KIF14: variants seen among roughly 807,000 people sequenced by gnomAD.
KIF14 encodes the protein kinesin family member 14.
Under a neutral mutation model 176.2 loss-of-function variants are expected in KIF14, and 98 were observed. The observed-to-expected ratio is 0.56, with a 90% confidence interval of 0.47 to 0.66. KIF14 has a LOEUF of 0.66. Among genes scored for constraint, KIF14 ranks in the 30% least tolerant of loss-of-function variants. The probability of loss-of-function intolerance (pLI) is 0.00; values close to 1 mark genes in which losing one functional copy is unlikely to be tolerated. For missense variants in KIF14, 1,751 were observed against 1,920.4 expected (o/e 0.91, Z 1.65); for synonymous variants, 566 against 632.2 (o/e 0.90, Z 1.57).
intron 21 of KIF14, among the ~76,000 whole-genome samples, chr1:200,578,918 C>T (rs1019958578): frequency 2.6e-5 from 4 of 151,698 alleles, no homozygotes; most frequent in South Asian, 4.2e-4. Flanking sequence ...GGTGAAACCC[C>T]GTCTCTACTA....
At chr1:200,591,065 A>G (rs1431239961) in intron 16 of KIF14, among the ~76,000 whole-genome samples, 1 of 152,074 alleles carries the variant, frequency 6.6e-6, no homozygotes, top group Admixed American at 6.6e-5. Flanking sequence ...AAAACCACAA[A>G]ACAATGTGAA....
intron 6 of KIF14, among the ~76,000 whole-genome samples, chr1:200,606,162 C>T (rs1299180492): frequency 6.6e-6 from 1 of 152,086 alleles, no homozygotes; most frequent in East Asian, 1.9e-4. Context: ...GTCTAAGTCA[C>T]AATACCAAAA....
chr1:200,555,146 AATAAG>A (rs1656766559), intron 28 of KIF14, among the ~76,000 whole-genome samples: 1 of 152,154 alleles, frequency 6.6e-6, no homozygotes, highest in African/African-American at 2.4e-5. Context: ...AACCAGTAGC[AATAAG>A]AAACAGACAT....
chr1:200,597,080 A>G (rs1210703990), intron 14 of KIF14, among the ~76,000 whole-genome samples: 1 of 151,604 alleles, frequency 6.6e-6, no homozygotes, highest in Non-Finnish European at 1.5e-5. Flanking sequence ...TTGTATTTTT[A>G]GTAGAGACAG....
chr1:200,592,312 G>T (rs182861043), intron 15 of KIF14, 72 bp from the exon 16 acceptor site: 2 of 1,254,244 alleles, frequency 1.6e-6, no homozygotes, highest in Admixed American at 2.2e-5. Context: ...AATTTATTTT[G>T]CCCAACAATT....
rs1185925730 is a variant in KIF14, at chr1:200,603,874, A to C, written c.1828T>G (p.Cys610Gly). Residue 610 changes from cysteine to glycine, a missense_variant, in exon 9 of 30, where the codon TGC becomes GGC. Cys to Gly is a radical substitution (Grantham distance 159). Transcript: ENST00000367350. ...NLIDLAGSER[C>G]STAHTNGDRL... Reference sequence around the variant, plus strand: ...TCTCCATTAGTGTGAGCCGTAGAGCAGCGCTCACTGCCTGCCAGATCTATT... The same window carrying C: ...TCTCCATTAGTGTGAGCCGTAGAGCCGCGCTCACTGCCTGCCAGATCTATT... The C allele has an allele frequency of 1.9e-6, 3 of 1,612,328 alleles. No homozygotes were observed. The highest frequency in any genetic ancestry group is 2.5e-6 in the Non-Finnish European group (3 of 1,178,462).
chr1:200,594,725 A>T (rs527847023), intron 14 of KIF14, among the ~76,000 whole-genome samples: 22 of 152,362 alleles, frequency 1.4e-4, no homozygotes, highest in African/African-American at 5.0e-4. Context: ...AGAAAGAAAA[A>T]CTGCAACAAA....
At chr1:200,592,377 T>C (rs1218566798) in intron 15 of KIF14, 137 bp from the exon 16 acceptor site, 3 of 679,072 alleles carry the variant, frequency 4.4e-6, no homozygotes, top group East Asian at 6.0e-5. Flanking sequence ...TAACATTTAT[T>C]ACTTTTTTTT....
chr1:200,574,746 T>G (rs1657998974), intron 22 of KIF14, among the ~76,000 whole-genome samples: 1 of 152,214 alleles, frequency 6.6e-6, no homozygotes, highest in Non-Finnish European at 1.5e-5. Context: ...TAGGTTTCCC[T>G]TGAAAAGCAT....
intron 14 of KIF14, among the ~76,000 whole-genome samples, chr1:200,595,432 T>A (rs1659280614): frequency 6.6e-6 from 1 of 152,156 alleles, no homozygotes. Context: ...AAGTTCATGG[T>A]CTAGTGAACA....
chr1:200,575,191 C>T (rs1313606050), intron 22 of KIF14, among the ~76,000 whole-genome samples: 3 of 151,884 alleles, frequency 2.0e-5, no homozygotes, highest in Non-Finnish European at 4.4e-5. Flanking sequence ...CTCCTGACCT[C>T]GTGATCCACC....
intron 22 of KIF14, among the ~76,000 whole-genome samples, chr1:200,570,357 A>C (rs1553255114): frequency 6.6e-6 from 1 of 152,222 alleles, no homozygotes; most frequent in Non-Finnish European, 1.5e-5. Flanking sequence ...AATGTGATGA[A>C]GGCATAGAGT....
In KIF14 at chr1:200,586,165, T is replaced by C; in HGVS notation, c.3177A>G (p.Gln1059=). The C allele has an allele frequency of 3.1e-6, 5 of 1,603,484 alleles. No individual in the cohort carries two copies. The highest frequency in any genetic ancestry group is 4.3e-6 in the Non-Finnish European group (5 of 1,173,066). Residue 1059 remains glutamine, a synonymous_variant, in exon 19 of 30, where the codon CAA becomes CAG. Transcript: ENST00000367350. ...RILEALETEK[Q]KIAKEVQILQ... ...GAATTTGTACTTCTTTAGCAATTTT[T>C]TGCTTTTCAGTTTCTAAAGCTTCCA...
intron 13 of KIF14, 134 bp downstream of exon 13, chr1:200,599,916 G>C: frequency 1.7e-6 from 1 of 578,578 alleles, no homozygotes; most frequent in Non-Finnish European, 3.1e-6. Context: ...TTTCCTTACG[G>C]TATTGCTTTG....
At chr1:200,607,149 G>A (rs1659923191) in intron 5 of KIF14, among the ~76,000 whole-genome samples, 2 of 150,976 alleles carry the variant, frequency 1.3e-5, no homozygotes, top group Admixed American at 6.6e-5. Context: ...TTGTTTGTTT[G>A]TCTGTTTTGA....
intron 2 of KIF14, among the ~76,000 whole-genome samples, 158 bp downstream of exon 2, chr1:200,617,454 A>C (rs536283834): frequency 9.8e-5 from 15 of 152,356 alleles, no homozygotes; most frequent in Admixed American, 5.2e-4. Flanking sequence ...AAAAATTATC[A>C]ACACACACTA....
Position 200,554,529 on chromosome 1 carries a change from T to C in KIF14, c.4506A>G (p.Glu1502=), listed in dbSNP as rs748716114. ...DFKRMVNRAP[E]FLKLKHCLEK... is the part of the protein sequence containing the mutation. ...CTAAGCAATGTTTTAACTTTAAGAA[T>C]TCTGGAGCACGATTAACCATCCTCT... Residue 1502 remains glutamate, a synonymous_variant, in exon 29 of 30, where the codon GAA becomes GAG. Transcript: ENST00000367350. 6.4e-6 allele frequency: 10 copies of C among 1,555,218 alleles called. No homozygotes were observed. In the East Asian group the frequency reaches 2.3e-4, roughly 35 times the overall value.
At chr1:200,574,584 T>C (rs1162337560) in intron 22 of KIF14, among the ~76,000 whole-genome samples, 1 of 152,254 alleles carries the variant, frequency 6.6e-6, no homozygotes, top group Non-Finnish European at 1.5e-5. Context: ...TTTGTATTCA[T>C]CTTTGCTTCC....
At chr1:200,565,288 A>G (rs781670843) in intron 24 of KIF14, 35 bp from the exon 25 acceptor site, 4 of 1,552,270 alleles carry the variant, frequency 2.6e-6, no homozygotes, top group Non-Finnish European at 3.5e-6. Flanking sequence ...TGAATGAAAT[A>G]TTATCCAAAT....
Sources: gnomAD v4.1 joint callset for allele counts (sites outside exome capture counted in the v4.1 genomes callset) on GRCh38, gnomAD v4.1.1 for gene constraint, MANE v1.5 for transcripts, NCBI Gene and HGNC (gene_info 2026-07-23, HGNC 2026-07-21) for gene names.